The following CROCC2 variants were observed in gnomAD, a reference collection of about 807,000 sequenced individuals.
CROCC2 encodes the protein ciliary rootlet coiled-coil, rootletin family member 2, also known as ciliary rootlet coiled-coil protein 2.
CROCC2 carries 163 observed loss-of-function variants against 177.6 expected under a neutral mutation model. The observed-to-expected ratio is 0.92, with a 90% confidence interval of 0.81 to 1.05. CROCC2 has a LOEUF of 1.05. Ranked by LOEUF, CROCC2 falls within the 50% of genes least tolerant of loss-of-function variation. The pLI is 0.00. For missense variants in CROCC2, 1,929 were observed against 1,797.8 expected (o/e 1.07, Z -1.32); for synonymous variants, 904 against 787.3 (o/e 1.15, Z -2.48).
At position 240,949,548 on chromosome 2, in the gene CROCC2, T is replaced by C. The variant is rs1340022107; in HGVS notation, c.2498T>C (p.Leu833Pro). ...RQALQVEMEQ[L>P]QSDWEVQEMK... ...CACCCCACAGTGGAAATGGAGCAGC[T>C]ACAAAGTGACTGGGAGGTCCAGGAA... The change falls in exon 17 of 32, where the codon CTA becomes CCA. Residue 833 changes from leucine to proline, a missense_variant. Coordinates refer to ENST00000690015, the MANE Select transcript of CROCC2 (RefSeq NM_001351305.2). This position sits in a 1 kb window ranked among gnomAD's most constrained non-coding sequence, Gnocchi z 4.5. 1.3e-6 allele frequency: 2 copies of C among 1,550,362 alleles called. No homozygotes were observed. Among genetic ancestry groups the C allele is most frequent in the Non-Finnish European group, 1.7e-6 (2 of 1,146,876 alleles).
intron 3 of CROCC2, among the ~76,000 whole-genome samples, chr2:240,921,912 C>T (rs952322066): frequency 1.3e-5 from 2 of 152,196 alleles, no homozygotes; most frequent in Non-Finnish European, 2.9e-5. Flanking sequence ...GGCCCAAGTT[C>T]GGTCTTGGCC....
At chr2:240,962,125 A>G (rs1237914940) in intron 20 of CROCC2, among the ~76,000 whole-genome samples, 1 of 151,710 alleles carries the variant, frequency 6.6e-6, no homozygotes, top group East Asian at 1.9e-4. Flanking sequence ...TTCCCTCCAC[A>G]GCCCCTCCTC....
At chr2:240,913,841 GC>G (rs2059302167) in intron 1 of CROCC2, among the ~76,000 whole-genome samples, 1 of 152,284 alleles carries the variant, frequency 6.6e-6, no homozygotes, top group Non-Finnish European at 1.5e-5. Context: ...AGGCCACCCA[GC>G]CCAAGGCCCT....
intron 15 of CROCC2, 98 bp downstream of exon 15, chr2:240,946,351 A>T: frequency 8.4e-7 from 1 of 1,190,870 alleles, no homozygotes; most frequent in South Asian, 1.8e-5. Context: ...ACCATGACAT[A>T]GGACTGGGAG....
In CROCC2 at chr2:240,931,389, G is replaced by A. The variant is rs569535523; in HGVS notation, c.947+261G>A. On this transcript the variant is annotated intron_variant, in intron 7 of 31. Transcript: ENST00000690015. The stretch of plus-strand genomic sequence containing the variant: ...ACGGCAGGGAACTCACTGGGACTGC[G>A]TCCTGGGGGTCAGCACCCAGAACTG... Among the ~76,000 whole-genome samples, 572 of 152,326 alleles carry A rather than the reference G, an allele frequency of 3.8e-3. 5 individuals carry two copies. The highest frequency in any genetic ancestry group is 4.1e-3 in the Non-Finnish European group (280 of 68,018).
chr2:240,906,426 G>A lies in CROCC2; in HGVS notation c.-88G>A, dbSNP rs532660959. 25 of 398,688 alleles carry A rather than the reference G, an allele frequency of 6.3e-5. No homozygotes were observed. In the South Asian group the frequency reaches 1.4e-3, roughly 23 times the overall value. The allele number at this position is 398,688 out of a possible 1,614,324, so 24.7% of individuals were successfully genotyped here. ...CAGGTGCCACACAGGTGTGGGGCCC[G>A]TGGACCAAGGAAGACCCTGGCCAGT... On this transcript the variant is annotated 5_prime_UTR_variant, in exon 1 of 32. The change creates a new upstream start codon in the 5' untranslated region. Transcript: ENST00000690015.
intron 3 of CROCC2, among the ~76,000 whole-genome samples, chr2:240,922,050 G>C (rs937883001): frequency 6.6e-6 from 1 of 152,188 alleles, no homozygotes; most frequent in Non-Finnish European, 1.5e-5. Flanking sequence ...AATCTCCAGG[G>C]GGCAGCCCCA....
At chr2:240,941,456 A>T (rs1018131549) in intron 14 of CROCC2, among the ~76,000 whole-genome samples, 1 of 152,240 alleles carries the variant, frequency 6.6e-6, no homozygotes, top group African/African-American at 2.4e-5. Context: ...TTACCAAAAC[A>T]GCATGGTACT....
rs1048427491 is a variant in CROCC2 at position 240,967,617 on chromosome 2, C to A, written c.4267+152C>A. On this transcript the variant is annotated intron_variant, in intron 26 of 31. Coordinates refer to ENST00000690015, the MANE Select transcript of CROCC2 (RefSeq NM_001351305.2). ...GCAACACCCAAACCACCAGGCCTGG[C>A]GAGGCTGGGTCAGCGCTTGGCATCG... The A allele has an allele frequency of 3.1e-6, 3 of 980,088 alleles. No homozygotes were observed. The African/African-American group carries it at 5.2e-5, about 17-fold the overall frequency. 60.7% of individuals were successfully genotyped at this position (980,088 alleles called of 1,614,324 possible).
At chr2:240,920,763 T>TG (rs1018380496) in intron 3 of CROCC2, among the ~76,000 whole-genome samples, 1 of 152,206 alleles carries the variant, frequency 6.6e-6, no homozygotes, top group African/African-American at 2.4e-5. Flanking sequence ...AATGTGGAGC[T>TG]GGGGAAGGCC....
chr2:240,989,745 G>T lies in CROCC2; in HGVS notation c.4775G>T (p.Arg1592Leu). The T allele has an allele frequency of 9.0e-6, 14 of 1,550,358 alleles. No homozygotes were observed. The highest frequency in any genetic ancestry group is 1.1e-5 in the Non-Finnish European group (13 of 1,146,888). ...CGGGACCTGGCCACAGAGGCAGAGCGTCTCCATGGGGCCCGGCCGCAGGCC... is the reference window on the plus strand; with the variant it reads ...CGGGACCTGGCCACAGAGGCAGAGCTTCTCCATGGGGCCCGGCCGCAGGCC... ...HQRDLATEAERLHGARPQATQ... is the reference protein window; with the variant it reads ...HQRDLATEAELLHGARPQATQ... The change falls in exon 30 of 32, where the codon CGT becomes CTT. Residue 1592 changes from arginine to leucine, a missense_variant. Physicochemically the swap from Arg to Leu is moderately radical, Grantham distance 102. Around this residue, in one of 3 missense-constraint regions of CROCC2, gnomAD observed 388 missense variants for 352.7 expected, o/e 1.10. Transcript: ENST00000690015.
chr2:240,910,228 G>A (rs2106448616), intron 1 of CROCC2, among the ~76,000 whole-genome samples: 1 of 152,230 alleles, frequency 6.6e-6, no homozygotes, highest in South Asian at 2.1e-4. Context: ...GGGTATCTGT[G>A]ACTGCCTTGA....
chr2:240,918,622 C>T lies in CROCC2; in HGVS notation c.79-104C>T. On this transcript the variant is annotated intron_variant, in intron 1 of 31. Transcript: ENST00000690015. The surrounding 1 kb of genome is among the most constrained non-coding windows in gnomAD (Gnocchi z 6.3). ...CTGTCCTCTCCAGGGCACTCTGCTG[C>T]CTTGGGGTGGCCCTGTGGCGGCTCC... The T allele has an allele frequency of 2.0e-6, 1 of 491,900 alleles. No homozygotes were observed. The allele number at this position is 491,900 out of a possible 1,614,324, so 30.5% of individuals were successfully genotyped here. A position where few individuals can be genotyped will look rare whatever the true frequency, so the allele number is the denominator to read the frequency against.
rs1007519887 is a variant in CROCC2, at chr2:240,966,368, C to T, written c.4105C>T (p.Arg1369Trp). ...MDVATVQDIL[R>W]DFVQKLREAQ... ...TGTGGCCACCGTGCAGGACATCCTG[C>T]GGGACTTTGTGCAGAAGCTCCGGGA... is the stretch of plus-strand genomic sequence containing the variant. The change falls in exon 25 of 32, where the codon CGG becomes TGG. Residue 1369 changes from arginine (R) to tryptophan (W), a missense_variant. By Grantham distance (101) the Arg-to-Trp change is moderately radical. Coordinates refer to ENST00000690015, the MANE Select transcript of CROCC2 (RefSeq NM_001351305.2). 23 of 402,230 alleles carry T rather than the reference C, an allele frequency of 5.7e-5. No homozygotes were observed. Among genetic ancestry groups the T allele is most frequent in the African/African-American group, 1.0e-4 (5 of 48,704 alleles). 24.9% of individuals were successfully genotyped at this position (402,230 alleles called of 1,614,324 possible).
At chr2:240,933,646 C>A in intron 10 of CROCC2, 24 bp from the exon 11 acceptor site, 2 of 1,548,538 alleles carry the variant, frequency 1.3e-6, no homozygotes, top group Non-Finnish European at 1.7e-6. Context: ...AGGGCCGCCC[C>A]AACTCTGCCC....
intron 5 of CROCC2, among the ~76,000 whole-genome samples, chr2:240,928,773 G>A (rs111441217): frequency 7.3e-5 from 11 of 151,498 alleles, no homozygotes; most frequent in Non-Finnish European, 1.3e-4. Context: ...GCACGCCCTC[G>A]GAGGGCGTGC....
At chr2:240,956,439 G>C (rs967466226) in intron 19 of CROCC2, 1 of 168,782 alleles carries the variant, frequency 5.9e-6, no homozygotes, top group Admixed American at 5.7e-5. Context: ...CTCTCGGCAG[G>C]AAAGGACACC....
At position 240,949,120 on chromosome 2, in the gene CROCC2, G is replaced by T; in HGVS notation, c.2482+23G>T. 1 of 1,504,368 alleles carries T rather than the reference G, an allele frequency of 6.6e-7. No homozygotes were observed. Among genetic ancestry groups the T allele is most frequent in the South Asian group, 1.3e-5 (1 of 75,996 alleles). The allele number at this position is 1,504,368 out of a possible 1,614,324, so 93.2% of individuals were successfully genotyped here. A position where few individuals can be genotyped will look rare whatever the true frequency, so the allele number is the denominator to read the frequency against. On this transcript the variant is annotated intron_variant, in intron 16 of 31. Coordinates refer to ENST00000690015, the MANE Select transcript of CROCC2 (RefSeq NM_001351305.2). This position sits in a 1 kb window ranked among gnomAD's most constrained non-coding sequence, Gnocchi z 4.5. ...AAGGTGCTCCAAGGGCGCTCCCTCAGCTCCTTCCCCGAAAGTCAGCCATGG... is the reference window on the plus strand; with the variant it reads ...AAGGTGCTCCAAGGGCGCTCCCTCATCTCCTTCCCCGAAAGTCAGCCATGG...
chr2:240,991,879 G>T (rs187280612), intron 31 of CROCC2, among the ~76,000 whole-genome samples: 1 of 152,332 alleles, frequency 6.6e-6, no homozygotes, highest in Non-Finnish European at 1.5e-5. Context: ...GTCCTGCAAG[G>T]CCAGCCACCA....
Sources: allele counts gnomAD v4.1 joint callset (sites outside exome capture counted in the v4.1 genomes callset), GRCh38; gene constraint gnomAD v4.1.1; regional missense constraint gnomAD v4.1.1; non-coding constraint Gnocchi (gnomAD v3.1); transcripts MANE v1.5; gene names NCBI Gene and HGNC (gene_info 2026-07-23, HGNC 2026-07-21).